RABGAP1L: variants seen among roughly 807,000 people sequenced by gnomAD.
RABGAP1L encodes the protein rab GTPase-activating protein 1-like.
RABGAP1L carries 63 observed loss-of-function variants against 137.7 expected under a neutral mutation model. That is an observed-to-expected ratio of 0.46 (90% CI 0.37 to 0.56). The LOEUF is 0.56. RABGAP1L is among the 20% of genes least tolerant of loss of function. The pLI is 0.00. For synonymous variants in RABGAP1L, 431 were observed against 433.7 expected (o/e 0.99, Z 0.08); for missense variants, 1,095 against 1,244.0 (o/e 0.88, Z 1.80).
intron 17 of RABGAP1L, among the ~76,000 whole-genome samples, chr1:174,718,195 T>C (rs1558014038): frequency 6.6e-6 from 1 of 152,206 alleles, no homozygotes; most frequent in East Asian, 1.9e-4. Context: ...AGGTTTTTGG[T>C]TTGAGTTTTG....
chr1:174,451,320 T>C (rs1177500974), intron 13 of RABGAP1L, among the ~76,000 whole-genome samples: 14 of 152,226 alleles, frequency 9.2e-5, no homozygotes, highest in Admixed American at 8.5e-4. Context: ...GGTATAAATA[T>C]AGTTAGAAAG....
chr1:174,619,361 A>G (rs886290774), intron 13 of RABGAP1L, among the ~76,000 whole-genome samples: 2 of 152,242 alleles, frequency 1.3e-5, no homozygotes, highest in Non-Finnish European at 2.9e-5. Flanking sequence ...GTGGAAATGA[A>G]GGAAAAAATG....
intron 13 of RABGAP1L, among the ~76,000 whole-genome samples, chr1:174,501,333 T>G (rs920438354): frequency 3.3e-5 from 5 of 151,628 alleles, no homozygotes; most frequent in East Asian, 3.9e-4. Flanking sequence ...GCTGCCTCAG[T>G]CTCCTGAGTA....
At chr1:174,452,416 TA>T (rs1404226059) in intron 13 of RABGAP1L, among the ~76,000 whole-genome samples, 1 of 152,182 alleles carries the variant, frequency 6.6e-6, no homozygotes, top group African/African-American at 2.4e-5. Flanking sequence ...TGGCATTGAT[TA>T]AAAAATCTTA....
intron 13 of RABGAP1L, among the ~76,000 whole-genome samples, chr1:174,463,593 A>G (rs1358106819): frequency 1.3e-5 from 2 of 152,136 alleles, no homozygotes; most frequent in African/African-American, 4.8e-5. Flanking sequence ...GCACACCAAC[A>G]TGGCACATGT....
intron 13 of RABGAP1L, among the ~76,000 whole-genome samples, chr1:174,556,960 T>C (rs1666922844): frequency 6.6e-6 from 1 of 152,230 alleles, no homozygotes. Context: ...GTTACATCCT[T>C]TAATGCCATA....
chr1:174,426,721 C>G (rs1434162218), intron 13 of RABGAP1L, among the ~76,000 whole-genome samples: 1 of 151,930 alleles, frequency 6.6e-6, no homozygotes, highest in Admixed American at 6.6e-5. Flanking sequence ...TTTTAAATAC[C>G]CAATTTACCA....
intron 11 of RABGAP1L, among the ~76,000 whole-genome samples, chr1:174,341,554 T>A (rs899537920): frequency 3.3e-5 from 5 of 152,164 alleles, no homozygotes; most frequent in African/African-American, 9.7e-5. Context: ...TTGTTCAGAG[T>A]ACATGTTTTG....
intron 13 of RABGAP1L, among the ~76,000 whole-genome samples, chr1:174,519,412 G>T (rs569550473): frequency 1.7e-4 from 26 of 152,100 alleles, no homozygotes; most frequent in African/African-American, 5.3e-4. Flanking sequence ...TAGGCTGGGC[G>T]GCTAGGCCAG....
At chr1:174,391,298 T>C (rs1278315940) in intron 12 of RABGAP1L, among the ~76,000 whole-genome samples, 1 of 152,128 alleles carries the variant, frequency 6.6e-6, no homozygotes, top group Non-Finnish European at 1.5e-5. Context: ...GAATTGCGCA[T>C]GGCATTGAAG....
At chr1:174,249,417 G>A (rs1672532232) in intron 5 of RABGAP1L, among the ~76,000 whole-genome samples, 1 of 152,128 alleles carries the variant, frequency 6.6e-6, no homozygotes, top group East Asian at 1.9e-4. Context: ...AGTGTGTTGG[G>A]AAGATTCAGA....
intron 17 of RABGAP1L, among the ~76,000 whole-genome samples, chr1:174,704,512 A>T (rs1212748898): frequency 6.6e-6 from 1 of 152,228 alleles, no homozygotes; most frequent in African/African-American, 2.4e-5. Context: ...ATTTGTAAGC[A>T]TGTAAGAGTT....
chr1:174,398,035 T>C (rs1380609433), intron 13 of RABGAP1L, among the ~76,000 whole-genome samples: 2 of 152,198 alleles, frequency 1.3e-5, no homozygotes, highest in African/African-American at 4.8e-5. Flanking sequence ...TAGGGCAGAA[T>C]GTGGGACTAG....
At chr1:174,334,717 T>C (rs900002962) in intron 11 of RABGAP1L, among the ~76,000 whole-genome samples, 6 of 152,182 alleles carry the variant, frequency 3.9e-5, no homozygotes, top group Non-Finnish European at 8.8e-5. Flanking sequence ...TTCCAGTCTT[T>C]CTGTGAATGC....
At chr1:174,349,820 C>A (rs1682916508) in intron 11 of RABGAP1L, among the ~76,000 whole-genome samples, 1 of 136,900 alleles carries the variant, frequency 7.3e-6, no homozygotes, top group African/African-American at 2.6e-5. Context: ...GGCAGAGGCG[C>A]CCCTCACCTC....
chr1:174,849,934 T>C (rs2148981993), intron 19 of RABGAP1L: 1 of 679,090 alleles, frequency 1.5e-6, no homozygotes, highest in Non-Finnish European at 2.6e-6. Flanking sequence ...TTTACCTGCA[T>C]GGAAGACACA....
At chr1:174,870,003 A>G (rs936919210) in intron 19 of RABGAP1L, among the ~76,000 whole-genome samples, 2 of 152,186 alleles carry the variant, frequency 1.3e-5, no homozygotes, top group Non-Finnish European at 2.9e-5. Flanking sequence ...GCCCAAACAG[A>G]CTAAGACAGT....
intron 11 of RABGAP1L, among the ~76,000 whole-genome samples, chr1:174,313,966 C>CT (rs1003829195): frequency 6.6e-5 from 10 of 151,758 alleles, no homozygotes; most frequent in Admixed American, 3.3e-4. Context: ...CTATACTTTT[C>CT]TTTTTTTTGA....
At chr1:174,885,446 C>T (rs1045090498) in intron 19 of RABGAP1L, among the ~76,000 whole-genome samples, 1 of 152,118 alleles carries the variant, frequency 6.6e-6, no homozygotes, top group Non-Finnish European at 1.5e-5. Context: ...CTGCCTCAAC[C>T]TCCTAGGATC....
Sources: allele counts gnomAD v4.1 joint callset (sites outside exome capture counted in the v4.1 genomes callset), GRCh38; gene constraint gnomAD v4.1.1; transcripts MANE v1.5; gene names NCBI Gene and HGNC (gene_info 2026-07-23, HGNC 2026-07-21).